The following GRID2 variants were observed in gnomAD, a reference collection of about 807,000 sequenced individuals.
The protein encoded by GRID2 is glutamate receptor ionotropic, delta-2.
Under a neutral mutation model 114.8 loss-of-function variants are expected in GRID2, and 33 were observed. That is an observed-to-expected ratio of 0.29 (90% CI 0.22 to 0.38). GRID2 has a LOEUF of 0.38. Among genes scored for constraint, GRID2 ranks in the 10% least tolerant of loss-of-function variants. GRID2 has a pLI of 1.00. For synonymous variants in GRID2, 505 were observed against 449.9 expected (o/e 1.12, Z -1.55); for missense variants, 1,184 against 1,257.7 (o/e 0.94, Z 0.89).
At chr4:93,339,570 G>A (rs1350780826) in intron 8 of GRID2, among the ~76,000 whole-genome samples, 2 of 152,172 alleles carry the variant, frequency 1.3e-5, no homozygotes, top group Non-Finnish European at 2.9e-5. Flanking sequence ...CCAGAACTGT[G>A]TGACAATAAA....
intron 14 of GRID2, among the ~76,000 whole-genome samples, chr4:93,750,957 G>T (rs950602921): frequency 2.0e-5 from 3 of 152,198 alleles, no homozygotes; most frequent in African/African-American, 7.2e-5. Flanking sequence ...TGTGGAGAAA[G>T]TTGGAAGAGT....
At chr4:92,996,821 G>C (rs1189147831) in intron 2 of GRID2, among the ~76,000 whole-genome samples, 3 of 152,146 alleles carry the variant, frequency 2.0e-5, no homozygotes, top group Non-Finnish European at 4.4e-5. Flanking sequence ...TGCTATAAGT[G>C]TCAGGCTGGC....
At position 93,621,253 on chromosome 4, in the gene GRID2, G is replaced by A. The variant is rs76690788; in HGVS notation, c.2194-5016G>A. ...CTATTGATATCTCAGGCACTATTAC[G>A]AGGACACAGGTGCTGAGCCTCAATA... On this transcript the variant is annotated intron_variant, in intron 13 of 15. Coordinates refer to ENST00000282020, the MANE Select transcript of GRID2 (RefSeq NM_001510.4). 3.2e-3 allele frequency among the ~76,000 whole-genome samples: 489 copies of A among 152,256 alleles called. 2 individuals carry two copies. The highest frequency in any genetic ancestry group is 0.011 in the African/African-American group (450 of 41,546).
chr4:92,933,605 A>G (rs1750408090), intron 2 of GRID2, among the ~76,000 whole-genome samples: 1 of 151,464 alleles, frequency 6.6e-6, no homozygotes, highest in Non-Finnish European at 1.5e-5. Context: ...GAATGACTGC[A>G]ATTTTCCAAA....
At chr4:93,120,983 AT>A (rs1257857330) in intron 4 of GRID2, among the ~76,000 whole-genome samples, 1 of 152,054 alleles carries the variant, frequency 6.6e-6, no homozygotes, top group African/African-American at 2.4e-5. Context: ...ATTAAAATAA[AT>A]TTAAAAACCT....
At chr4:92,817,310 A>C (rs1047397880) in intron 2 of GRID2, among the ~76,000 whole-genome samples, 14 of 152,078 alleles carry the variant, frequency 9.2e-5, no homozygotes, top group African/African-American at 3.4e-4. Context: ...CTGTGGGTTT[A>C]AAAAATTATA....
chr4:93,545,145 A>G (rs1733083970), intron 13 of GRID2, among the ~76,000 whole-genome samples: 1 of 152,184 alleles, frequency 6.6e-6, no homozygotes, highest in Non-Finnish European at 1.5e-5. Context: ...AAGACAGTCA[A>G]GGTCTCTGCC....
intron 2 of GRID2, among the ~76,000 whole-genome samples, chr4:92,704,536 C>A (rs1245627442): frequency 6.6e-6 from 1 of 152,128 alleles, no homozygotes; most frequent in Non-Finnish European, 1.5e-5. Context: ...TTTTACATAA[C>A]AGATAGATGA....
chr4:93,284,989 A>C (rs532373736), intron 8 of GRID2, among the ~76,000 whole-genome samples: 2 of 152,110 alleles, frequency 1.3e-5, no homozygotes, highest in African/African-American at 4.8e-5. Flanking sequence ...AAACTGATAC[A>C]TCAGTGATGT....
intron 13 of GRID2, among the ~76,000 whole-genome samples, chr4:93,580,588 GT>G (rs1736875829): frequency 6.6e-6 from 1 of 152,058 alleles, no homozygotes; most frequent in East Asian, 1.9e-4. Flanking sequence ...GTTTTAGGCA[GT>G]TTTTTGTTTC....
At chr4:92,885,256 T>G (rs1386078472) in intron 2 of GRID2, 1 of 165,200 alleles carries the variant, frequency 6.1e-6, no homozygotes, top group Non-Finnish European at 1.3e-5. Context: ...TGGTAATGTT[T>G]CTACTGTCTT....
At chr4:93,245,606 C>A (rs538346453) in intron 8 of GRID2, among the ~76,000 whole-genome samples, 1 of 152,110 alleles carries the variant, frequency 6.6e-6, no homozygotes, top group East Asian at 1.9e-4. Flanking sequence ...TGTCTCACAG[C>A]GAGACTAGAT....
At chr4:93,286,897 T>A (rs28542444) in intron 8 of GRID2, among the ~76,000 whole-genome samples, 107,665 of 151,952 alleles carry the variant, frequency 0.71, 39,175 homozygotes, top group African/African-American at 0.86. Flanking sequence ...AGGGGACTAA[T>A]ATCTATATAG....
chr4:93,276,329 T>C (rs1752056420), intron 8 of GRID2, among the ~76,000 whole-genome samples: 1 of 151,984 alleles, frequency 6.6e-6, no homozygotes, highest in Admixed American at 6.6e-5. Context: ...CTAATACCAG[T>C]CCCCACTATC....
chr4:93,628,677 G>A (rs1402367255), intron 14 of GRID2, among the ~76,000 whole-genome samples: 1 of 151,940 alleles, frequency 6.6e-6, no homozygotes, highest in Non-Finnish European at 1.5e-5. Context: ...AGAGCTAGTT[G>A]AGAAAAGGAT....
intron 1 of GRID2, among the ~76,000 whole-genome samples, chr4:92,409,430 A>C (rs779417010): frequency 6.6e-6 from 1 of 152,132 alleles, no homozygotes; most frequent in South Asian, 2.1e-4. Context: ...TTTTGTGTGG[A>C]TAGAGTATTT....
intron 13 of GRID2, among the ~76,000 whole-genome samples, chr4:93,608,314 T>TTAA (rs1740527643): frequency 4.2e-5 from 6 of 144,144 alleles, no homozygotes; most frequent in African/African-American, 1.6e-4. Flanking sequence ...TTTTTTAATT[T>TTAA]TTTTTTTTTA....
At chr4:93,301,272 C>A (rs1000739608) in intron 8 of GRID2, among the ~76,000 whole-genome samples, 1 of 152,186 alleles carries the variant, frequency 6.6e-6, no homozygotes, top group African/African-American at 2.4e-5. Flanking sequence ...TTTTGACATA[C>A]CATTTATCAA....
chr4:92,970,826 A>G (rs1448756384), intron 2 of GRID2, among the ~76,000 whole-genome samples: 1 of 151,916 alleles, frequency 6.6e-6, no homozygotes, highest in Non-Finnish European at 1.5e-5. Flanking sequence ...ATCAGTGTGT[A>G]TTTCATAATA....
Sources: gnomAD v4.1 joint callset for allele counts (sites outside exome capture counted in the v4.1 genomes callset) on GRCh38, gnomAD v4.1.1 for gene constraint, MANE v1.5 for transcripts, NCBI Gene and HGNC (gene_info 2026-07-23, HGNC 2026-07-21) for gene names.